The following IGF2BP2 variants were observed in gnomAD, a reference collection of about 807,000 sequenced individuals.
The protein encoded by IGF2BP2 is insulin like growth factor 2 mRNA binding protein 2.
Under a neutral mutation model 75.8 loss-of-function variants are expected in IGF2BP2, and 17 were observed. The observed-to-expected ratio is 0.22, with a 90% confidence interval of 0.15 to 0.34. The LOEUF is 0.34. Ranked by LOEUF, IGF2BP2 falls within the 10% of genes least tolerant of loss-of-function variation. IGF2BP2 has a pLI of 1.00. For synonymous variants in IGF2BP2, 288 were observed against 295.6 expected (o/e 0.97, Z 0.26); for missense variants, 516 against 772.4 (o/e 0.67, Z 3.93).
intron 2 of IGF2BP2, among the ~76,000 whole-genome samples, chr3:185,788,340 G>A (rs1050596566): frequency 1.3e-5 from 2 of 151,976 alleles, no homozygotes; most frequent in African/African-American, 4.8e-5. Context: ...AGCAATATAG[G>A]GAGACTTTGT....
intron 2 of IGF2BP2, chr3:185,722,296 C>T (rs1726692172): frequency 4.4e-6 from 2 of 455,756 alleles, no homozygotes; most frequent in South Asian, 3.1e-5. Flanking sequence ...AAATCACCAT[C>T]AGGATATGCC....
intron 1 of IGF2BP2, 65 bp from the exon 2 acceptor site, chr3:185,823,278 G>C (rs1013487514): frequency 7.8e-7 from 1 of 1,287,622 alleles, no homozygotes; most frequent in South Asian, 1.3e-5. Flanking sequence ...GTCTAGGGGG[G>C]GCACGCACGG....
At chr3:185,722,389 A>C in intron 2 of IGF2BP2, 1 of 393,088 alleles carries the variant, frequency 2.5e-6, no homozygotes. Context: ...ACAAGAACTG[A>C]ATCACGCTTT....
At chr3:185,677,094 G>GAA (rs1719664662) in intron 7 of IGF2BP2, among the ~76,000 whole-genome samples, 1 of 133,990 alleles carries the variant, frequency 7.5e-6, no homozygotes, top group African/African-American at 2.8e-5. Context: ...GAGAGAGAGA[G>GAA]AGAGAGAGAG....
chr3:185,658,319 G>T (rs778007748), intron 11 of IGF2BP2, 22 bp downstream of exon 11: 1 of 1,610,922 alleles, frequency 6.2e-7, no homozygotes, highest in Non-Finnish European at 8.5e-7. Flanking sequence ...GGCAGGTGCG[G>T]CTGAACTGAG....
intron 2 of IGF2BP2, among the ~76,000 whole-genome samples, chr3:185,727,468 C>T (rs1055684451): frequency 6.6e-6 from 1 of 152,076 alleles, no homozygotes. Flanking sequence ...AATTGGATTA[C>T]TCACAGGTTG....
chr3:185,692,739 C>A lies in IGF2BP2; in HGVS notation c.364G>T (p.Val122Phe). Residue 122 changes from valine to phenylalanine, a missense_variant, in exon 5 of 16, where the codon GTT (valine) becomes TTT (phenylalanine). This residue lies in a region of IGF2BP2 where 312 missense variants were observed against 474.5 expected (regional missense o/e 0.66). Coordinates refer to ENST00000382199, the MANE Select transcript of IGF2BP2 (RefSeq NM_006548.6). ...CTTGTTGCATATGTGACGTTGACAA[C>A]GGCGGTTTCTGTGTCTGTGTTGACT... ...EQVNTDTETA[V>F]VNVTYATREE... The A allele has an allele frequency of 6.2e-7, 1 of 1,613,968 alleles. No homozygotes were observed. The highest frequency in any genetic ancestry group is 8.5e-7 in the Non-Finnish European group (1 of 1,179,908).
intron 2 of IGF2BP2, among the ~76,000 whole-genome samples, chr3:185,813,725 T>G (rs1291490652): frequency 6.6e-6 from 1 of 152,156 alleles, no homozygotes; most frequent in East Asian, 1.9e-4. Context: ...TCCAAGTAAG[T>G]GTATGCCACA....
chr3:185,811,875 T>TCC (rs1560510358), intron 2 of IGF2BP2, among the ~76,000 whole-genome samples: 2 of 49,290 alleles, frequency 4.1e-5, no homozygotes, highest in Middle Eastern at 6.8e-3. Context: ...TCTCTCTCTC[T>TCC]CTCCCCCTCT....
chr3:185,761,438 T>G (rs886521554), intron 2 of IGF2BP2, among the ~76,000 whole-genome samples: 1 of 152,180 alleles, frequency 6.6e-6, no homozygotes, highest in Non-Finnish European at 1.5e-5. Context: ...GCATTCACTG[T>G]GAAGTGTACG....
rs568932583 is a variant in IGF2BP2, at chr3:185,649,600, C to T, written c.1462-66G>A. 1.7e-5 allele frequency: 27 copies of T among 1,594,296 alleles called. No individual in the cohort carries two copies. The Admixed American group carries it at 3.7e-4, about 22-fold the overall frequency. ...GCAGCCGGCCACTTCATCAGTGCTG[C>T]GAAGGGCACTGGAGAGTCCAGACAA... On this transcript the variant is annotated intron_variant, in intron 13 of 15. Transcript: ENST00000382199.
chr3:185,774,795 G>A (rs1734331711), intron 2 of IGF2BP2, among the ~76,000 whole-genome samples: 1 of 151,932 alleles, frequency 6.6e-6, no homozygotes, highest in African/African-American at 2.4e-5. Context: ...CAAGGTCACG[G>A]CAGATCACAA....
intron 13 of IGF2BP2, among the ~76,000 whole-genome samples, chr3:185,649,886 TTGAC>T (rs1714273615): frequency 6.6e-6 from 1 of 152,194 alleles, no homozygotes; most frequent in Non-Finnish European, 1.5e-5. Context: ...ATTTGCTTGA[TTGAC>T]TGAATTTGTT....
At chr3:185,821,253 G>T in intron 2 of IGF2BP2, 3 of 789,406 alleles carry the variant, frequency 3.8e-6, no homozygotes, top group Non-Finnish European at 5.6e-6. Flanking sequence ...CATTTGGAAT[G>T]TTAAACATTT....
chr3:185,820,808 TTGAA>T (rs1741281780), intron 2 of IGF2BP2, among the ~76,000 whole-genome samples: 1 of 152,206 alleles, frequency 6.6e-6, no homozygotes, highest in Non-Finnish European at 1.5e-5. Flanking sequence ...CACTCAATTG[TTGAA>T]TGATTTTTAA....
intron 2 of IGF2BP2, among the ~76,000 whole-genome samples, chr3:185,725,457 C>A (rs1375898068): frequency 6.6e-6 from 1 of 152,160 alleles, no homozygotes; most frequent in East Asian, 1.9e-4. Flanking sequence ...TTAAAGGTCA[C>A]AAATTAGATG....
At chr3:185,774,726 G>T (rs542489869) in intron 2 of IGF2BP2, among the ~76,000 whole-genome samples, 3 of 152,024 alleles carry the variant, frequency 2.0e-5, no homozygotes, top group African/African-American at 7.3e-5. Context: ...GGCTGGGGAC[G>T]GGCGTGGTGG....
intron 15 of IGF2BP2, among the ~76,000 whole-genome samples, chr3:185,646,223 C>G (rs1713513883): frequency 6.6e-6 from 1 of 152,150 alleles, no homozygotes; most frequent in African/African-American, 2.4e-5. Flanking sequence ...GCCAGGGACT[C>G]TGACTGCAGA....
At chr3:185,803,612 C>T (rs1316168471) in intron 2 of IGF2BP2, among the ~76,000 whole-genome samples, 1 of 152,158 alleles carries the variant, frequency 6.6e-6, no homozygotes, top group East Asian at 1.9e-4. Flanking sequence ...ATCATCCTAA[C>T]TTCTTCTAGC....
Sources: gnomAD v4.1 joint callset for allele counts (sites outside exome capture counted in the v4.1 genomes callset) on GRCh38, gnomAD v4.1.1 for gene constraint, gnomAD v4.1.1 regional missense constraint, MANE v1.5 for transcripts, NCBI Gene and HGNC (gene_info 2026-07-23, HGNC 2026-07-21) for gene names.